The following TAB2 variants were observed in gnomAD, a reference collection of about 807,000 sequenced individuals.
TAB2 encodes TGF-beta-activated kinase 1 and MAP3K7-binding protein 2.
A neutral mutation model predicts 65.0 loss-of-function variants in TAB2; 3 were observed. The ratio of observed to expected loss-of-function variants is 0.05; its 90% CI spans 0.02 to 0.12. The LOEUF is 0.12. Among genes scored for constraint, TAB2 ranks in the 10% least tolerant of loss-of-function variants. The pLI is 1.00. For missense variants in TAB2, 623 were observed against 840.3 expected, an observed-to-expected ratio of 0.74 and a Z score of 3.20; for synonymous variants, 298 against 285.1, an observed-to-expected ratio of 1.05 and a Z score of -0.46.
chr6:149,298,521 C>T (rs866155169), intron 1 of TAB2, among the ~76,000 whole-genome samples: 6 of 151,936 alleles, frequency 3.9e-5, no homozygotes, highest in Non-Finnish European at 5.9e-5. Context: ...CTAGCTACCC[C>T]GGAGGCTGAG....
intron 5 of TAB2, among the ~76,000 whole-genome samples, chr6:149,398,668 ACT>A (rs1782260026): frequency 6.6e-6 from 1 of 152,046 alleles, no homozygotes; most frequent in African/African-American, 2.4e-5. Context: ...CCTTGAACTT[ACT>A]CTTTTTGTGT....
chr6:149,219,114 A>G (rs1777085637), intron 1 of TAB2, among the ~76,000 whole-genome samples: 1 of 152,110 alleles, frequency 6.6e-6, no homozygotes, highest in African/African-American at 2.4e-5. Flanking sequence ...TTGGGCTGGG[A>G]GCGTTCAGTG....
chr6:149,307,035 C>A (rs1417773323), intron 1 of TAB2, among the ~76,000 whole-genome samples: 2 of 152,154 alleles, frequency 1.3e-5, no homozygotes, highest in Non-Finnish European at 2.9e-5. Flanking sequence ...AGATTCCTTA[C>A]AATCACCCCA....
At chr6:149,254,065 GGAAGGA>G (rs1562389570) in intron 1 of TAB2, among the ~76,000 whole-genome samples, 1,811 of 70,880 alleles carry the variant, frequency 0.026, 23 homozygotes, top group Middle Eastern at 0.11. Flanking sequence ...GAGGGAGGAA[GGAAGGA>G]AGGAAGGAAG....
At chr6:149,398,737 G>A (rs778337444) in intron 5 of TAB2, among the ~76,000 whole-genome samples, 13 of 151,998 alleles carry the variant, frequency 8.6e-5, no homozygotes, top group Non-Finnish European at 1.6e-4. Flanking sequence ...TTGAGGTAAA[G>A]CTGTTTAGTT....
At chr6:149,336,954 A>G (rs1441931069) in intron 1 of TAB2, among the ~76,000 whole-genome samples, 4 of 151,884 alleles carry the variant, frequency 2.6e-5, no homozygotes, top group Admixed American at 2.6e-4. Context: ...TTATATTTTT[A>G]TGAACTTTGA....
At chr6:149,275,474 T>A (rs1317629988) in intron 1 of TAB2, among the ~76,000 whole-genome samples, 2 of 152,160 alleles carry the variant, frequency 1.3e-5, no homozygotes, top group Non-Finnish European at 1.5e-5. Flanking sequence ...ATATACCTTA[T>A]TGAATAAATA....
intron 1 of TAB2, among the ~76,000 whole-genome samples, chr6:149,345,877 A>G (rs1012606228): frequency 2.0e-5 from 3 of 152,106 alleles, no homozygotes; most frequent in African/African-American, 7.2e-5. Context: ...AATTATTTGG[A>G]TATATTTGTC....
intron 1 of TAB2, among the ~76,000 whole-genome samples, chr6:149,312,205 A>C (rs1779177249): frequency 6.6e-6 from 1 of 152,202 alleles, no homozygotes; most frequent in Non-Finnish European, 1.5e-5. Flanking sequence ...CAGTGGCATC[A>C]CACAACACAT....
intron 1 of TAB2, among the ~76,000 whole-genome samples, chr6:149,344,055 C>T (rs1358383664): frequency 2.0e-5 from 3 of 152,108 alleles, no homozygotes. Flanking sequence ...TAATGTCTGG[C>T]AATTTAGTCA....
In TAB2 at chr6:149,400,554, G is replaced by A. The variant is rs237025; in HGVS notation, c.1939+1370G>A. On this transcript the variant is annotated intron_variant, in intron 6 of 6. Coordinates refer to ENST00000637181, the MANE Select transcript of TAB2 (RefSeq NM_001292034.3). Reference sequence around the variant, plus strand: ...CTATTGTGAACCACGGGGATTGTCAGTGAAGCAGATCAGATTCCGATTTGG... The same window carrying A: ...CTATTGTGAACCACGGGGATTGTCAATGAAGCAGATCAGATTCCGATTTGG... 828,175 of 1,613,990 alleles carry A rather than the reference G, an allele frequency of 0.51. 216,559 individuals carry two copies. The highest frequency in any genetic ancestry group is 0.72 in the African/African-American group (54,219 of 74,986).
At chr6:149,374,168 TGAA>T (rs1390930310) in intron 2 of TAB2, among the ~76,000 whole-genome samples, 2 of 152,164 alleles carry the variant, frequency 1.3e-5, no homozygotes, top group Non-Finnish European at 2.9e-5. Context: ...ACCAAATAGT[TGAA>T]GAGAGCAAGC....
intron 2 of TAB2, among the ~76,000 whole-genome samples, chr6:149,371,189 T>C (rs989028362): frequency 6.6e-6 from 1 of 151,834 alleles, no homozygotes; most frequent in Non-Finnish European, 1.5e-5. Flanking sequence ...TAATAATGAC[T>C]ACATTTTGTT....
chr6:149,275,392 G>A (rs1778452294), intron 1 of TAB2, among the ~76,000 whole-genome samples: 1 of 152,096 alleles, frequency 6.6e-6, no homozygotes, highest in African/African-American at 2.4e-5. Flanking sequence ...GGTCAAGGCA[G>A]GAACAACTTG....
At chr6:149,362,617 A>G (rs960300038) in intron 1 of TAB2, among the ~76,000 whole-genome samples, 2 of 151,968 alleles carry the variant, frequency 1.3e-5, no homozygotes, top group African/African-American at 4.8e-5. Context: ...TAAATTGAAA[A>G]CTGAAATTTG....
At chr6:149,340,386 A>G (rs931829054) in intron 1 of TAB2, among the ~76,000 whole-genome samples, 2 of 152,124 alleles carry the variant, frequency 1.3e-5, no homozygotes, top group Admixed American at 1.3e-4. Flanking sequence ...TAAAGAAGGA[A>G]CCTTGGACAT....
In TAB2 at chr6:149,411,340, AT is replaced by A. The variant is rs1199821353; in HGVS notation, c.*1625del. On this transcript the variant is annotated 3_prime_UTR_variant, in exon 7 of 7. Transcript: ENST00000637181. ...CAGAGCCCTAACTTTCAGGCTTTGC[AT>A]TTTGTATATGGGAAGAAATATGACA... 6.6e-6 allele frequency: 1 copy of A among 152,556 alleles called. No individual in the cohort carries two copies. Among genetic ancestry groups the A allele is most frequent in the Non-Finnish European group, 1.5e-5 (1 of 68,030 alleles). The allele number at this position is 152,556 out of a possible 1,614,324, so 9.5% of individuals were successfully genotyped here. A position where few individuals can be genotyped will look rare whatever the true frequency, so the allele number is the denominator to read the frequency against.
At chr6:149,308,836 T>C (rs1377635048) in intron 1 of TAB2, among the ~76,000 whole-genome samples, 1 of 152,134 alleles carries the variant, frequency 6.6e-6, no homozygotes, top group Non-Finnish European at 1.5e-5. Context: ...GATATTTTCT[T>C]TTTAAAAAAT....
At chr6:149,313,864 C>A (rs1779205736), upstream of TAB2, among the ~76,000 whole-genome samples, 1 of 152,166 alleles carries the variant, frequency 6.6e-6, no homozygotes, top group Non-Finnish European at 1.5e-5. Context: ...GGGAGCAGTT[C>A]TGGGAAACAT....
Sources: gnomAD v4.1 joint callset for allele counts (sites outside exome capture counted in the v4.1 genomes callset) on GRCh38, gnomAD v4.1.1 for gene constraint, MANE v1.5 for transcripts, NCBI Gene and HGNC (gene_info 2026-07-23, HGNC 2026-07-21) for gene names.